Variants in ALCAM observed in about 807,000 individuals in gnomAD.
The protein encoded by ALCAM is activated leukocyte cell adhesion molecule, also known as CD166 antigen.
ALCAM carries 30 observed loss-of-function variants against 70.9 expected under a neutral mutation model. The ratio of observed to expected loss-of-function variants is 0.42; its 90% confidence interval spans 0.32 to 0.57. The LOEUF is 0.57. Among genes scored for constraint, ALCAM ranks in the 20% least tolerant of loss-of-function variants. ALCAM has a pLI of 0.11. For synonymous variants in ALCAM, 249 were observed against 242.5 expected (o/e 1.03, Z -0.25); for missense variants, 591 against 695.1 (o/e 0.85, Z 1.68).
chr3:105,564,935 A>C (rs2152634926), intron 14 of ALCAM, among the ~76,000 whole-genome samples: 1 of 152,312 alleles, frequency 6.6e-6, no homozygotes, highest in South Asian at 2.1e-4. Flanking sequence ...GATCCCAGCT[A>C]TGCAGGAGGC....
At chr3:105,572,478 G>T (rs565013081) in intron 15 of ALCAM, among the ~76,000 whole-genome samples, 3 of 152,068 alleles carry the variant, frequency 2.0e-5, no homozygotes, top group African/African-American at 7.2e-5. Flanking sequence ...TAATCCAGTC[G>T]ATCACTGATG....
At chr3:105,483,343 C>T (rs1474491795) in intron 1 of ALCAM, among the ~76,000 whole-genome samples, 1 of 152,010 alleles carries the variant, frequency 6.6e-6, no homozygotes, top group Non-Finnish European at 1.5e-5. Context: ...GGTGGGAGGA[C>T]AGATACCAGA....
chr3:105,556,896 G>A (rs1247630707), intron 14 of ALCAM, among the ~76,000 whole-genome samples: 2 of 151,722 alleles, frequency 1.3e-5, no homozygotes, highest in Non-Finnish European at 2.9e-5. Flanking sequence ...AGAACCTACC[G>A]TTTTTCTCTT....
Position 105,406,720 on chromosome 3 carries a change from C to T in ALCAM, c.73+39239C>T, listed in dbSNP as rs561895465. Among the ~76,000 whole-genome samples, 10 of 150,616 alleles carry T rather than the reference C, an allele frequency of 6.6e-5. No individual in the cohort carries two copies. In the South Asian group the frequency reaches 1.3e-3, roughly 19 times the overall value. On this transcript the variant is annotated intron_variant, in intron 1 of 15. Transcript: ENST00000306107. ...AGAACACAACTAAATGAAATTTAAA[C>T]GACAACAACAACAAAAAACAATAAA...
At chr3:105,520,623 C>G (rs567565271) in intron 2 of ALCAM, among the ~76,000 whole-genome samples, 2 of 152,168 alleles carry the variant, frequency 1.3e-5, no homozygotes, top group Non-Finnish European at 2.9e-5. Flanking sequence ...TGGCATTTAG[C>G]CTTAAAAATG....
At chr3:105,509,715 C>T (rs938277572) in intron 1 of ALCAM, among the ~76,000 whole-genome samples, 1 of 151,794 alleles carries the variant, frequency 6.6e-6, no homozygotes, top group African/African-American at 2.4e-5. Flanking sequence ...TGTGTAGAAG[C>T]TTTTTAGTTT....
At chr3:105,493,235 C>A (rs1938639439) in intron 1 of ALCAM, among the ~76,000 whole-genome samples, 1 of 151,980 alleles carries the variant, frequency 6.6e-6, no homozygotes, top group Admixed American at 6.6e-5. Context: ...GAGGCTCGGT[C>A]CCTAAATAAT....
At chr3:105,510,830 C>G (rs187899083) in intron 1 of ALCAM, among the ~76,000 whole-genome samples, 179 of 152,120 alleles carry the variant, frequency 1.2e-3, no homozygotes, top group African/African-American at 4.2e-3. Context: ...CTGGGCGGTG[C>G]ATTTAACCAT....
At chr3:105,367,719 C>T (rs1935102922) in intron 1 of ALCAM, among the ~76,000 whole-genome samples, 2 of 152,208 alleles carry the variant, frequency 1.3e-5, no homozygotes, top group African/African-American at 4.8e-5. Context: ...TCTCCAGGAA[C>T]TTGGTGCTCC....
At chr3:105,389,243 T>G (rs1032038866) in intron 1 of ALCAM, among the ~76,000 whole-genome samples, 2 of 151,382 alleles carry the variant, frequency 1.3e-5, no homozygotes, top group Non-Finnish European at 3.0e-5. Flanking sequence ...TATCCTTATT[T>G]ATTAAAAATA....
In ALCAM at chr3:105,576,184, A is replaced by G. The variant is rs939587586; in HGVS notation, c.*1733A>G. On this transcript the variant is annotated 3_prime_UTR_variant, in exon 16 of 16. Transcript: ENST00000306107. ...TTATTGAAGTTTTATTTGGCAGGAA[A>G]AAAAATTGAATCTTGGTCAACATTT... 1 of 152,626 alleles carries G rather than the reference A, an allele frequency of 6.6e-6. No homozygotes were observed. The highest frequency in any genetic ancestry group is 2.4e-5 in the African/African-American group (1 of 41,478). 9.5% of individuals were successfully genotyped at this position (152,626 alleles called of 1,614,324 possible).
At chr3:105,505,844 AT>A (rs1939059730) in intron 1 of ALCAM, among the ~76,000 whole-genome samples, 2 of 152,118 alleles carry the variant, frequency 1.3e-5, no homozygotes, top group Admixed American at 6.5e-5. Context: ...GATATATTTA[AT>A]TTTTTTCATT....
intron 12 of ALCAM, among the ~76,000 whole-genome samples, chr3:105,551,314 A>C (rs750549740): frequency 3.3e-5 from 5 of 151,628 alleles, no homozygotes; most frequent in Non-Finnish European, 5.9e-5. Flanking sequence ...TTTCTTCCTG[A>C]ACACAAGTTT....
intron 1 of ALCAM, among the ~76,000 whole-genome samples, chr3:105,388,785 G>T (rs1898656): frequency 0.088 from 13,252 of 151,438 alleles, 832 homozygotes; most frequent in Admixed American, 0.21. Flanking sequence ...TTAATAATTA[G>T]ATTCCAAATG....
rs145676302 is a variant in ALCAM, at chr3:105,459,054, C to G, written c.74-61013C>G. On this transcript the variant is annotated intron_variant, in intron 1 of 15. Transcript: ENST00000306107. Reference sequence around the variant, plus strand: ...GCATTGTGTTGGATGCTTAACAACACATGCGAAATCTTTCCAAGATTGTCT... The same window carrying G: ...GCATTGTGTTGGATGCTTAACAACAGATGCGAAATCTTTCCAAGATTGTCT... 8.1e-3 allele frequency among the ~76,000 whole-genome samples: 1,241 copies of G among 152,270 alleles called. 11 individuals carry two copies. The highest frequency in any genetic ancestry group is 0.027 in the African/African-American group (1,138 of 41,552).
chr3:105,551,681 A>G (rs1418488388), intron 12 of ALCAM, among the ~76,000 whole-genome samples: 2 of 151,240 alleles, frequency 1.3e-5, no homozygotes, highest in Non-Finnish European at 3.0e-5. Flanking sequence ...TTTAACCTCT[A>G]CTCCTACTAC....
In ALCAM at chr3:105,520,238, C is replaced by T. The variant is rs1379482368; in HGVS notation, c.174+71C>T. ...TAAATAAAATTCTTTCTGTGAGTAACTGTGAATTTCAAATTAACCTAAATG... is the reference window on the plus strand; with the variant it reads ...TAAATAAAATTCTTTCTGTGAGTAATTGTGAATTTCAAATTAACCTAAATG... On this transcript the variant is annotated intron_variant, in intron 2 of 15. Coordinates refer to ENST00000306107, the MANE Select transcript of ALCAM (RefSeq NM_001627.4). 78 of 1,075,336 alleles carry T rather than the reference C, an allele frequency of 7.3e-5. No individual in the cohort carries two copies. The East Asian group carries it at 1.9e-3, about 26-fold the overall frequency. 66.6% of individuals were successfully genotyped at this position (1,075,336 alleles called of 1,614,324 possible).
At chr3:105,419,660 A>G (rs1306325744) in intron 1 of ALCAM, among the ~76,000 whole-genome samples, 1 of 151,800 alleles carries the variant, frequency 6.6e-6, no homozygotes, top group African/African-American at 2.4e-5. Context: ...CCCATAGGGA[A>G]TTTTTTAAAA....
rs1320879797 is a variant in ALCAM, at chr3:105,407,658, A to G, written c.73+40177A>G. Among the ~76,000 whole-genome samples the G allele has an allele frequency of 2.0e-5, 3 of 152,210 alleles. No homozygotes were observed. In the East Asian group the frequency reaches 5.8e-4, roughly 29 times the overall value. ...GAAAGCATTCCCCCAGATAACTGGA[A>G]CAAGATAAGGATGCCCACTTTCACC... On this transcript the variant is annotated intron_variant, in intron 1 of 15. Coordinates refer to ENST00000306107, the MANE Select transcript of ALCAM (RefSeq NM_001627.4).
Sources: allele counts gnomAD v4.1 joint callset (sites outside exome capture counted in the v4.1 genomes callset), GRCh38; gene constraint gnomAD v4.1.1; transcripts MANE v1.5; gene names NCBI Gene and HGNC (gene_info 2026-07-23, HGNC 2026-07-21).